The following XYLT1 variants were observed in gnomAD, a reference collection of about 807,000 sequenced individuals.
XYLT1 encodes the protein beta-D-xylosyltransferase 1.
XYLT1 carries 36 observed loss-of-function variants against 91.3 expected under a neutral mutation model. The ratio of observed to expected loss-of-function variants is 0.39; its 90% CI spans 0.30 to 0.52. XYLT1 has a LOEUF of 0.52. Ranked by LOEUF, XYLT1 falls within the 20% of genes least tolerant of loss-of-function variation. XYLT1 has a pLI of 0.68. For synonymous variants in XYLT1, 588 were observed against 532.0 expected (o/e 1.11, Z -1.45); for missense variants, 1,242 against 1,284.5 (o/e 0.97, Z 0.51).
Position 17,413,578 on chromosome 16 carries a change from C to T in XYLT1, c.364-55528G>A, listed in dbSNP as rs867861675. On this transcript the variant is annotated intron_variant, in intron 1 of 11. Transcript: ENST00000261381. ...TCAGTGTTCGGAGTACCTGGGACTA[C>T]AGGTGCTCACCACCATGCCTGGCTA... is the stretch of plus-strand genomic sequence containing the variant. Among the ~76,000 whole-genome samples the T allele has an allele frequency of 5.3e-5, 8 of 152,098 alleles. 1 individual carries two copies. The highest frequency in any genetic ancestry group is 6.8e-3 in the Middle Eastern group (2 of 294).
intron 2 of XYLT1, among the ~76,000 whole-genome samples, chr16:17,331,212 C>G (rs2034894399): frequency 6.6e-6 from 1 of 152,240 alleles, no homozygotes; most frequent in Admixed American, 6.5e-5. Flanking sequence ...AGCTACAGCA[C>G]ACAAGGCCTT....
intron 5 of XYLT1, among the ~76,000 whole-genome samples, chr16:17,196,888 C>G (rs1024612004): frequency 1.3e-5 from 2 of 151,648 alleles, no homozygotes; most frequent in African/African-American, 4.9e-5. Flanking sequence ...GGTGAAACAC[C>G]ATCTCTATGC....
At chr16:17,136,130 C>G (rs1258912211) in intron 8 of XYLT1, among the ~76,000 whole-genome samples, 1 of 152,184 alleles carries the variant, frequency 6.6e-6, no homozygotes, top group African/African-American at 2.4e-5. Context: ...GGGCAATGGA[C>G]TTATGTCATT....
chr16:17,158,939 G>A (rs1567301011), intron 5 of XYLT1, 30 bp from the exon 6 acceptor site: 12 of 1,596,012 alleles, frequency 7.5e-6, no homozygotes, highest in Admixed American at 1.7e-5. Flanking sequence ...GGAGAGTCAG[G>A]CCAGACACCG....
intron 3 of XYLT1, among the ~76,000 whole-genome samples, chr16:17,239,905 A>T (rs540759089): frequency 3.9e-5 from 6 of 152,258 alleles, no homozygotes; most frequent in African/African-American, 1.4e-4. Flanking sequence ...CCATCTTTCC[A>T]TATATCCACC....
At chr16:17,169,090 G>A (rs1371374063) in intron 5 of XYLT1, among the ~76,000 whole-genome samples, 1 of 152,218 alleles carries the variant, frequency 6.6e-6, no homozygotes, top group East Asian at 1.9e-4. Flanking sequence ...ACAAACGCCT[G>A]GGACAGGAGT....
chr16:17,199,076 G>A (rs940873884), intron 4 of XYLT1, among the ~76,000 whole-genome samples: 1 of 152,126 alleles, frequency 6.6e-6, no homozygotes, highest in African/African-American at 2.4e-5. Context: ...CAGCTGCATG[G>A]GGTCTGAGGA....
chr16:17,420,065 T>C (rs998281116), intron 1 of XYLT1, among the ~76,000 whole-genome samples: 1 of 152,182 alleles, frequency 6.6e-6, no homozygotes, highest in Admixed American at 6.5e-5. Flanking sequence ...CAAAATATCA[T>C]CTAATGGCTT....
At chr16:17,267,960 T>C (rs1463457) in intron 2 of XYLT1, among the ~76,000 whole-genome samples, 13,648 of 152,220 alleles carry the variant, frequency 0.09, 747 homozygotes, top group African/African-American at 0.14. Flanking sequence ...TAAAATAGAA[T>C]TAATGATTGC....
intron 7 of XYLT1, 151 bp from the exon 8 acceptor site, chr16:17,138,682 G>GTACAGCGTGCAGAAC: frequency 1.2e-6 from 1 of 823,100 alleles, no homozygotes. Context: ...GCGGCTTCCT[G>GTACAGCGTGCAGAAC]TACAGCTTGC....
At chr16:17,205,250 G>T (rs2032622281) in intron 3 of XYLT1, among the ~76,000 whole-genome samples, 1 of 152,210 alleles carries the variant, frequency 6.6e-6, no homozygotes, top group Non-Finnish European at 1.5e-5. Flanking sequence ...CAGCATTGTG[G>T]GTCAAACGAG....
intron 2 of XYLT1, among the ~76,000 whole-genome samples, chr16:17,279,662 G>A (rs1596463138): frequency 1.3e-5 from 2 of 152,190 alleles, no homozygotes; most frequent in East Asian, 3.9e-4. Context: ...TGAGGGGTCA[G>A]CTTCTTCAGC....
At chr16:17,129,833 T>C (rs2030404502) in intron 9 of XYLT1, among the ~76,000 whole-genome samples, 1 of 152,240 alleles carries the variant, frequency 6.6e-6, no homozygotes. Context: ...AGTGGTCACC[T>C]GCATTAATGT....
At chr16:17,177,547 G>T (rs1185587240) in intron 5 of XYLT1, among the ~76,000 whole-genome samples, 1 of 152,172 alleles carries the variant, frequency 6.6e-6, no homozygotes, top group African/African-American at 2.4e-5. Flanking sequence ...GCACACAGTA[G>T]GTTTCCAACA....
chr16:17,403,194 C>T (rs888703049), intron 1 of XYLT1, among the ~76,000 whole-genome samples: 1 of 152,124 alleles, frequency 6.6e-6, no homozygotes, highest in South Asian at 2.1e-4. Context: ...TATGGGAATA[C>T]CTCCCTTTAA....
chr16:17,146,638 C>T (rs2031140115), intron 6 of XYLT1, among the ~76,000 whole-genome samples: 1 of 152,146 alleles, frequency 6.6e-6, no homozygotes, highest in South Asian at 2.1e-4. Flanking sequence ...TTGAATAAAA[C>T]ATCTCTCTAG....
At chr16:17,301,279 G>C (rs780690022) in intron 2 of XYLT1, among the ~76,000 whole-genome samples, 1 of 151,884 alleles carries the variant, frequency 6.6e-6, no homozygotes, top group Admixed American at 6.6e-5. Flanking sequence ...GCATGGTGGC[G>C]GGCGCCTATA....
At chr16:17,289,830 G>A (rs572689465) in intron 2 of XYLT1, among the ~76,000 whole-genome samples, 30 of 152,346 alleles carry the variant, frequency 2.0e-4, no homozygotes, top group Admixed American at 1.0e-3. Flanking sequence ...GCAGAGGAAA[G>A]TCTAAGAGCT....
At chr16:17,159,059 G>T in intron 5 of XYLT1, 150 bp from the exon 6 acceptor site, 1 of 668,406 alleles carries the variant, frequency 1.5e-6, no homozygotes, top group Non-Finnish European at 2.7e-6. Flanking sequence ...TCTTTATATC[G>T]CCATTTTTAT....
Sources: gnomAD v4.1 joint callset for allele counts (sites outside exome capture counted in the v4.1 genomes callset) on GRCh38, gnomAD v4.1.1 for gene constraint, MANE v1.5 for transcripts, NCBI Gene and HGNC (gene_info 2026-07-23, HGNC 2026-07-21) for gene names.